Variants in ASB7 observed in about 807,000 individuals in gnomAD.
ASB7 encodes the protein ankyrin repeat and SOCS box containing 7.
In ASB7, 4 loss-of-function variants were observed where a neutral mutation model predicts 32.5. That is an observed-to-expected ratio of 0.12 (90% CI 0.06 to 0.28). ASB7 has a LOEUF of 0.28. Ranked by LOEUF, ASB7 falls within the 10% of genes least tolerant of loss-of-function variation. The pLI is 1.00. For synonymous variants in ASB7, 172 were observed against 155.6 expected (o/e 1.11, Z -0.78); for missense variants, 181 against 407.1 (o/e 0.44, Z 4.78).
rs919545808 is a variant in ASB7, at chr15:100,640,291, C to T, written c.818-8032C>T. On this transcript the variant is annotated intron_variant, in intron 5 of 5. Transcript: ENST00000332783. The stretch of plus-strand genomic sequence containing the variant: ...TCCTGAGTAGTTGGGACTACAGGCA[C>T]GTGCCACCATACCCAGCTAATTTTT... Among the ~76,000 whole-genome samples, 7 of 152,202 alleles carry T rather than the reference C, an allele frequency of 4.6e-5. No individual in the cohort carries two copies. The East Asian group carries it at 7.7e-4, about 17-fold the overall frequency.
At position 100,650,708 on chromosome 15, in the gene ASB7, C is replaced by G. The variant is rs1245578143; in HGVS notation, c.*2246C>G. ...CTTCAGAAAAAAAAAATTATGAGAG[C>G]TCTTCCTGGAATTTTGAAATTTCTA... is the stretch of plus-strand genomic sequence containing the variant. On this transcript the variant is annotated 3_prime_UTR_variant, in exon 6 of 6. Coordinates refer to ENST00000332783, the MANE Select transcript of ASB7 (RefSeq NM_198243.3). 6.6e-6 allele frequency: 1 copy of G among 152,112 alleles called. No homozygotes were observed. Among genetic ancestry groups the G allele is most frequent in the African/African-American group, 2.4e-5 (1 of 41,426 alleles). The allele number at this position is 152,112 out of a possible 1,614,324, so 9.4% of individuals were successfully genotyped here. A position where few individuals can be genotyped will look rare whatever the true frequency, so the allele number is the denominator to read the frequency against.
chr15:100,616,100 A>C (rs990900745), intron 4 of ASB7, among the ~76,000 whole-genome samples: 1 of 152,144 alleles, frequency 6.6e-6, no homozygotes, highest in Non-Finnish European at 1.5e-5. Flanking sequence ...GTGCCTGTTC[A>C]CCTGCCTTTG....
At chr15:100,646,503 C>A in intron 5 of ASB7, 1 of 461,222 alleles carries the variant, frequency 2.2e-6, no homozygotes, top group South Asian at 1.7e-5. Context: ...AATCAAACTC[C>A]ACATATTTGT....
chr15:100,636,722 G>A (rs866441381), intron 5 of ASB7, among the ~76,000 whole-genome samples: 3 of 152,150 alleles, frequency 2.0e-5, no homozygotes, highest in East Asian at 3.8e-4. Flanking sequence ...ATGATTTTCT[G>A]CTTCTTGTGA....
At position 100,611,596 on chromosome 15, in the gene ASB7, C is replaced by T. The variant is rs532880983; in HGVS notation, c.-51-570C>T. On this transcript the variant is annotated intron_variant, in intron 3 of 5. Coordinates refer to ENST00000332783, the MANE Select transcript of ASB7 (RefSeq NM_198243.3). Reference sequence around the variant, plus strand: ...CCGGGTTCAAGCAATTCTTGTGCCTCAGCCACCCAAATAGCTGGGATTACA... The same window carrying T: ...CCGGGTTCAAGCAATTCTTGTGCCTTAGCCACCCAAATAGCTGGGATTACA... Among the ~76,000 whole-genome samples the T allele has an allele frequency of 2.7e-5, 4 of 147,956 alleles. No homozygotes were observed. The South Asian group carries it at 8.7e-4, about 32-fold the overall frequency.
intron 4 of ASB7, among the ~76,000 whole-genome samples, chr15:100,612,787 T>C (rs892047500): frequency 2.0e-5 from 3 of 152,212 alleles, no homozygotes; most frequent in African/African-American, 7.2e-5. Context: ...CCCTGTTGAT[T>C]ATTGCTTAAG....
intron 5 of ASB7, among the ~76,000 whole-genome samples, chr15:100,639,002 G>C (rs2039943689): frequency 6.6e-6 from 1 of 152,100 alleles, no homozygotes; most frequent in African/African-American, 2.4e-5. Flanking sequence ...ACGCTAGTTT[G>C]GTATTTACTC....
chr15:100,612,805 A>T (rs548177527), intron 4 of ASB7, among the ~76,000 whole-genome samples: 3 of 152,284 alleles, frequency 2.0e-5, no homozygotes, highest in African/African-American at 7.2e-5. Context: ...AAGCGTATAG[A>T]CCGAGCACCA....
intron 5 of ASB7, among the ~76,000 whole-genome samples, chr15:100,632,973 A>G (rs74039464): frequency 0.028 from 4,267 of 151,828 alleles, 194 homozygotes; most frequent in African/African-American, 0.097. Flanking sequence ...GCTGTTCCCT[A>G]CAGCCAGCCC....
At chr15:100,625,880 T>C (rs1325388538) in intron 4 of ASB7, among the ~76,000 whole-genome samples, 3 of 152,192 alleles carry the variant, frequency 2.0e-5, no homozygotes. Flanking sequence ...TTATGGTAAA[T>C]TGATTTTCAG....
At chr15:100,608,635 A>G (rs930669611) in intron 2 of ASB7, among the ~76,000 whole-genome samples, 2 of 152,088 alleles carry the variant, frequency 1.3e-5, no homozygotes, top group African/African-American at 4.8e-5. Flanking sequence ...TTGTATAAGG[A>G]TCGCTTTGCA....
rs1462262924 is a variant in ASB7, at chr15:100,603,115, C to T, written c.-273+69C>T. The T allele has an allele frequency of 1.0e-5, 4 of 398,432 alleles. No individual in the cohort carries two copies. In the East Asian group the frequency reaches 1.4e-4, roughly 14 times the overall value. The allele number at this position is 398,432 out of a possible 1,614,324, so 24.7% of individuals were successfully genotyped here. On this transcript the variant is annotated intron_variant, in intron 1 of 5. Transcript: ENST00000332783. ...AGGGTAGGAGGGAGGAAAATCTCTG[C>T]TTTTTCTTGCCTGCCCTTGCCACTC... is the stretch of plus-strand genomic sequence containing the variant.
Position 100,648,653 on chromosome 15 carries a change from A to G in ASB7, c.*191A>G. ...AGGGATTTTTTATATATATATAAAA[A>G]CACACACCACATGCTTGAAGGTCTT... is the stretch of plus-strand genomic sequence containing the variant. On this transcript the variant is annotated 3_prime_UTR_variant, in exon 6 of 6. Coordinates refer to ENST00000332783, the MANE Select transcript of ASB7 (RefSeq NM_198243.3). 2 of 466,690 alleles carry G rather than the reference A, an allele frequency of 4.3e-6. No individual in the cohort carries two copies. The highest frequency in any genetic ancestry group is 7.5e-6 in the Non-Finnish European group (2 of 266,058). 28.9% of individuals were successfully genotyped at this position (466,690 alleles called of 1,614,324 possible). A position where few individuals can be genotyped will look rare whatever the true frequency, so the allele number is the denominator to read the frequency against.
At chr15:100,621,538 A>G (rs529181814) in intron 4 of ASB7, among the ~76,000 whole-genome samples, 8 of 152,336 alleles carry the variant, frequency 5.3e-5, no homozygotes, top group Admixed American at 2.0e-4. Flanking sequence ...TTTGCCACAG[A>G]CAGTGTAAAT....
Position 100,612,226 on chromosome 15 carries a change from C to T in ASB7, c.10C>T (p.His4Tyr), listed in dbSNP as rs1334991780. ...AGTGGACTCAGCTAGGATGTTACAC[C>T]ATCATTGTCGAAGGAACCCTGAGCT... MLHHHCRRNPELQE... is the reference protein window; with the variant it reads MLHYHCRRNPELQE... The change falls in exon 4 of 6, where the codon CAT becomes TAT. Residue 4 changes from histidine (H) to tyrosine (Y), a missense_variant. By Grantham distance (83) the His-to-Tyr change is moderately conservative. Coordinates refer to ENST00000332783, the MANE Select transcript of ASB7 (RefSeq NM_198243.3). 1 of 1,613,386 alleles carries T rather than the reference C, an allele frequency of 6.2e-7. No individual in the cohort carries two copies. The highest frequency in any genetic ancestry group is 8.5e-7 in the Non-Finnish European group (1 of 1,179,468).
At chr15:100,644,164 C>T (rs1434086267) in intron 5 of ASB7, among the ~76,000 whole-genome samples, 1 of 152,178 alleles carries the variant, frequency 6.6e-6, no homozygotes. Flanking sequence ...ATGAGAATAG[C>T]TTGAACTTGG....
At chr15:100,646,437 C>T (rs1316738470) in intron 5 of ASB7, 2 of 456,396 alleles carry the variant, frequency 4.4e-6, no homozygotes, top group Non-Finnish European at 9.0e-6. Flanking sequence ...AGGAGGTGTT[C>T]TCCCGTTCCA....
chr15:100,648,575 C>G lies in ASB7; in HGVS notation c.*113C>G. ...TCTGATTTGCTGTGAAATCAGAAAG[C>G]AGGTATACACTTTTGGGTTTTCTGT... On this transcript the variant is annotated 3_prime_UTR_variant, in exon 6 of 6. Transcript: ENST00000332783. 1 of 910,808 alleles carries G rather than the reference C, an allele frequency of 1.1e-6. No homozygotes were observed. Among genetic ancestry groups the G allele is most frequent in the East Asian group, 3.0e-5 (1 of 32,846 alleles). 56.4% of individuals were successfully genotyped at this position (910,808 alleles called of 1,614,324 possible).
chr15:100,636,036 G>T (rs912679326), intron 5 of ASB7, among the ~76,000 whole-genome samples: 3 of 152,174 alleles, frequency 2.0e-5, no homozygotes, highest in South Asian at 2.1e-4. Flanking sequence ...ACAGCTGAGT[G>T]GGGGGCTTCT....
Sources: allele counts gnomAD v4.1 joint callset (sites outside exome capture counted in the v4.1 genomes callset), GRCh38; gene constraint gnomAD v4.1.1; transcripts MANE v1.5; gene names NCBI Gene and HGNC (gene_info 2026-07-23, HGNC 2026-07-21).